Variants in CNTLN observed in about 807,000 individuals in gnomAD.
The protein encoded by CNTLN is centlein.
In CNTLN, 212 loss-of-function variants were observed where a neutral mutation model predicts 180.0. That is an observed-to-expected ratio of 1.18 (90% CI 1.05 to 1.32). The LOEUF is 1.32. Ranked by LOEUF, CNTLN falls within the 40% of genes most tolerant of loss-of-function variation. The probability of loss-of-function intolerance (pLI) is 0.00; values close to 1 mark genes in which losing one functional copy is unlikely to be tolerated. For synonymous variants in CNTLN, 722 were observed against 563.1 expected (o/e 1.28, Z -3.99); for missense variants, 2,095 against 1,610.9 (o/e 1.30, Z -5.14).
In CNTLN at chr9:17,200,509, C is replaced by T. The variant is rs181814467; in HGVS notation, c.450-25694C>T. Among the ~76,000 whole-genome samples the T allele has an allele frequency of 2.0e-3, 312 of 152,210 alleles. 1 individual carries two copies. Among genetic ancestry groups the T allele is most frequent in the African/African-American group, 6.9e-3 (288 of 41,542 alleles). ...CATTTGTTTTTGACCTCTCTTATTT[C>T]GTTGAGCAGTGGTTTGTAGTTGTCC... On this transcript the variant is annotated intron_variant, in intron 2 of 25. Transcript: ENST00000380647.
At chr9:17,255,781 C>T (rs372410059) in intron 5 of CNTLN, among the ~76,000 whole-genome samples, 18 of 151,112 alleles carry the variant, frequency 1.2e-4, no homozygotes, top group South Asian at 4.1e-4. Flanking sequence ...GTGAAACCAT[C>T]TAGACCCATG....
intron 23 of CNTLN, among the ~76,000 whole-genome samples, chr9:17,481,105 TC>T (rs1200976124): frequency 1.3e-5 from 2 of 151,834 alleles, no homozygotes; most frequent in African/African-American, 4.8e-5. Flanking sequence ...CGCACCACAG[TC>T]CCTACCCAAC....
chr9:17,526,976 C>G, the CNTLN span, among the ~76,000 whole-genome samples: 1 of 152,128 alleles, frequency 6.6e-6, no homozygotes, highest in Non-Finnish European at 1.5e-5. Context: ...CTCCTGGGTC[C>G]AAGTGATTCT....
chr9:17,310,887 T>C (rs532437994), intron 8 of CNTLN, among the ~76,000 whole-genome samples: 1 of 152,334 alleles, frequency 6.6e-6, no homozygotes, highest in East Asian at 1.9e-4. Flanking sequence ...ATTGGATTTT[T>C]TCTTACTGAT....
chr9:17,227,174 C>T (rs1824526094), intron 3 of CNTLN, among the ~76,000 whole-genome samples: 1 of 151,632 alleles, frequency 6.6e-6, no homozygotes, highest in Non-Finnish European at 1.5e-5. Context: ...CCCTCATGAC[C>T]CAAACACCCC....
intron 5 of CNTLN, among the ~76,000 whole-genome samples, chr9:17,244,879 C>T (rs1315553923): frequency 6.6e-6 from 1 of 152,180 alleles, no homozygotes; most frequent in African/African-American, 2.4e-5. Context: ...AAACTGATTA[C>T]ATCTTAACAC....
At chr9:17,213,759 A>G (rs968155421) in intron 2 of CNTLN, among the ~76,000 whole-genome samples, 23 of 152,176 alleles carry the variant, frequency 1.5e-4, no homozygotes, top group Non-Finnish European at 2.6e-4. Context: ...GTGCATATAT[A>G]TTTAGGATAG....
chr9:17,407,426 A>G (rs1479430375), intron 15 of CNTLN, among the ~76,000 whole-genome samples: 1 of 152,254 alleles, frequency 6.6e-6, no homozygotes, highest in Non-Finnish European at 1.5e-5. Flanking sequence ...ATTCCATCAA[A>G]GCATGTTTAT....
chr9:17,358,153 A>G (rs1288523120), intron 12 of CNTLN, among the ~76,000 whole-genome samples: 1 of 152,094 alleles, frequency 6.6e-6, no homozygotes, highest in East Asian at 1.9e-4. Context: ...GTAGTGAAAC[A>G]GGATGCATGA....
At chr9:17,437,885 T>A (rs551039648) in intron 18 of CNTLN, among the ~76,000 whole-genome samples, 1 of 152,314 alleles carries the variant, frequency 6.6e-6, no homozygotes, top group Non-Finnish European at 1.5e-5. Flanking sequence ...TTCGTTCCTG[T>A]CATTCTTGAT....
intron 8 of CNTLN, among the ~76,000 whole-genome samples, chr9:17,314,380 A>G (rs1819407460): frequency 6.6e-6 from 1 of 152,202 alleles, no homozygotes; most frequent in South Asian, 2.1e-4. Flanking sequence ...TACTCATGGA[A>G]GTGTTGAAAT....
At position 17,450,070 on chromosome 9, in the gene CNTLN, T is replaced by C. The variant is rs58158052; in HGVS notation, c.3115-7454T>C. Among the ~76,000 whole-genome samples, 551 of 152,346 alleles carry C rather than the reference T, an allele frequency of 3.6e-3. 3 individuals carry two copies. The highest frequency in any genetic ancestry group is 0.012 in the African/African-American group (508 of 41,598). ...TTGAATTAATTTAACTCCTTGTAAA[T>C]GTTATTGAGAGTAGCGTATCTCTTA... On this transcript the variant is annotated intron_variant, in intron 18 of 25. Transcript: ENST00000380647.
At chr9:17,144,270 A>G (rs551674910) in intron 2 of CNTLN, among the ~76,000 whole-genome samples, 3 of 152,176 alleles carry the variant, frequency 2.0e-5, no homozygotes, top group Non-Finnish European at 4.4e-5. Context: ...AAATAGTATA[A>G]TCAGTTTCTT....
chr9:17,448,394 G>A (rs1443842235), intron 18 of CNTLN: 1 of 152,056 alleles, frequency 6.6e-6, no homozygotes, highest in African/African-American at 2.4e-5. Context: ...CATAAAAATG[G>A]GCATGTTGAA....
intron 8 of CNTLN, among the ~76,000 whole-genome samples, chr9:17,322,584 C>T (rs10963033): frequency 0.045 from 6,870 of 152,046 alleles, 211 homozygotes; most frequent in South Asian, 0.15. Flanking sequence ...CTTCTCTTGC[C>T]GCTGTAATAA....
At chr9:17,177,213 T>C (rs1397000023) in intron 2 of CNTLN, among the ~76,000 whole-genome samples, 1 of 152,072 alleles carries the variant, frequency 6.6e-6, no homozygotes, top group Non-Finnish European at 1.5e-5. Context: ...ACCGAGACTA[T>C]CTTGGCTAAC....
At chr9:17,189,086 T>G (rs1821625560) in intron 2 of CNTLN, among the ~76,000 whole-genome samples, 1 of 133,834 alleles carries the variant, frequency 7.5e-6, no homozygotes, top group South Asian at 2.7e-4. Flanking sequence ...TTTTTTTTTT[T>G]TTTTTTTTTT....
At position 17,143,303 on chromosome 9, in the gene CNTLN, G is replaced by C. The variant is rs780272738; in HGVS notation, c.376G>C (p.Val126Leu). The change falls in exon 2 of 26, where the codon GTA (valine) becomes CTA (leucine). Residue 126 changes from valine to leucine, a missense_variant. Val to Leu is a conservative substitution (Grantham distance 32). Coordinates refer to ENST00000380647, the MANE Select transcript of CNTLN (RefSeq NM_017738.4). Reference protein sequence around the residue: ...LALCQADKEFVWSLWKRLQVT... With the variant: ...LALCQADKEFLWSLWKRLQVT... Reference sequence around the variant, plus strand: ...TTTCTTTAAGGCTGATAAAGAATTTGTATGGTCTTTGTGGAAACGTCTCCA... The same window carrying C: ...TTTCTTTAAGGCTGATAAAGAATTTCTATGGTCTTTGTGGAAACGTCTCCA... 1.4e-5 allele frequency: 22 copies of C among 1,612,864 alleles called. No individual in the cohort carries two copies. The South Asian group carries it at 1.9e-4, about 14-fold the overall frequency.
chr9:17,474,297 C>CT (rs887706780), intron 23 of CNTLN, among the ~76,000 whole-genome samples: 1 of 152,124 alleles, frequency 6.6e-6, no homozygotes, highest in Non-Finnish European at 1.5e-5. Flanking sequence ...CTTCTCCTAG[C>CT]TTTTTTTCTC....
Sources: gnomAD v4.1 joint callset for allele counts (sites outside exome capture counted in the v4.1 genomes callset) on GRCh38, gnomAD v4.1.1 for gene constraint, MANE v1.5 for transcripts, NCBI Gene and HGNC (gene_info 2026-07-23, HGNC 2026-07-21) for gene names.